The following IGSF5 variants were observed in gnomAD, a reference collection of about 807,000 sequenced individuals.
IGSF5 encodes the protein immunoglobulin superfamily 5 like.
In IGSF5, 41 loss-of-function variants were observed where a neutral mutation model predicts 39.4. That is an observed-to-expected ratio of 1.04 (90% CI 0.81 to 1.35). The LOEUF is 1.35. Ranked by LOEUF, IGSF5 falls within the 40% of genes most tolerant of loss-of-function variation. The pLI, the probability that IGSF5 is intolerant of heterozygous loss-of-function variation, is 0.00. For synonymous variants in IGSF5, 183 were observed against 175.3 expected, an observed-to-expected ratio of 1.04 and a Z score of -0.34; for missense variants, 487 against 494.6, an observed-to-expected ratio of 0.98 and a Z score of 0.15.
At chr21:39,737,769 G>A in the IGSF5 span, among the ~76,000 whole-genome samples, 1 of 152,128 alleles carries the variant, frequency 6.6e-6, no homozygotes, top group Admixed American at 6.5e-5. Context: ...AATGAGACTG[G>A]GCAAAAAGGG....
the IGSF5 span, among the ~76,000 whole-genome samples, chr21:39,728,748 A>T: frequency 3.5e-4 from 53 of 152,316 alleles, no homozygotes; most frequent in Admixed American, 7.2e-4. Flanking sequence ...ATGAGACTTT[A>T]GTTTTTGAAT....
chr21:39,726,046 T>A, the IGSF5 span: 6 of 152,312 alleles, frequency 3.9e-5, no homozygotes, highest in East Asian at 1.2e-3. Flanking sequence ...TGTCTGCCCA[T>A]CTGAATAACA....
intron 2 of IGSF5, among the ~76,000 whole-genome samples, chr21:39,761,772 A>G (rs2080062779): frequency 6.6e-6 from 1 of 152,172 alleles, no homozygotes; most frequent in South Asian, 2.1e-4. Flanking sequence ...GGCCTTAAGC[A>G]ATCCTCCTGT....
At chr21:39,738,680 TA>T in the IGSF5 span, among the ~76,000 whole-genome samples, 1 of 151,990 alleles carries the variant, frequency 6.6e-6, no homozygotes, top group Non-Finnish European at 1.5e-5. The surrounding 1 kb of genome is among the most constrained non-coding windows in gnomAD (Gnocchi z 6.4). Context: ...TTTGGGCTTC[TA>T]GGGGTGGACA....
upstream of IGSF5, among the ~76,000 whole-genome samples, chr21:39,742,322 G>A (rs972499860): frequency 2.6e-5 from 4 of 152,226 alleles, no homozygotes; most frequent in Admixed American, 2.6e-4. Context: ...GCTGGAAGAA[G>A]TATCTAGTGA....
chr21:39,731,814 C>T, the IGSF5 span, among the ~76,000 whole-genome samples: 1 of 152,164 alleles, frequency 6.6e-6, no homozygotes, highest in South Asian at 2.1e-4. Flanking sequence ...CAAACCTTCC[C>T]AGGCTTTTAT....
intron 4 of IGSF5, among the ~76,000 whole-genome samples, chr21:39,778,876 A>T (rs962377603): frequency 1.3e-5 from 2 of 152,194 alleles, no homozygotes; most frequent in Non-Finnish European, 2.9e-5. Context: ...GTTACTAAGA[A>T]GTTGTTTACT....
chr21:39,760,581 T>C (rs1302638836), intron 2 of IGSF5, among the ~76,000 whole-genome samples: 1 of 150,436 alleles, frequency 6.6e-6, no homozygotes, highest in Non-Finnish European at 1.5e-5. Context: ...GTCAGGTCTT[T>C]TTTTTTTTTA....
intron 8 of IGSF5, among the ~76,000 whole-genome samples, chr21:39,797,569 T>C (rs461238): frequency 0.31 from 47,083 of 152,000 alleles, 8,346 homozygotes; most frequent in Non-Finnish European, 0.42. Context: ...CAGGCTGGAT[T>C]GCAGTGGCAC....
intron 8 of IGSF5, among the ~76,000 whole-genome samples, chr21:39,798,034 A>G (rs2087007445): frequency 6.6e-6 from 1 of 152,164 alleles, no homozygotes; most frequent in African/African-American, 2.4e-5. Context: ...GGACGGGGAA[A>G]TTTGATGTGC....
intron 4 of IGSF5, among the ~76,000 whole-genome samples, chr21:39,778,452 C>T (rs2080152022): frequency 6.6e-6 from 1 of 152,074 alleles, no homozygotes; most frequent in Non-Finnish European, 1.5e-5. Flanking sequence ...TTTTTCCTCC[C>T]ACCTCCATGA....
chr21:39,762,271 C>T (rs891212559), intron 2 of IGSF5, among the ~76,000 whole-genome samples: 2 of 152,080 alleles, frequency 1.3e-5, no homozygotes, highest in African/African-American at 2.4e-5. Flanking sequence ...CTCAGGAGAT[C>T]CTGAGGACAG....
the IGSF5 span, among the ~76,000 whole-genome samples, chr21:39,719,113 T>C: frequency 5.9e-5 from 9 of 152,194 alleles, no homozygotes; most frequent in Non-Finnish European, 1.3e-4. Flanking sequence ...CCATCTCTTC[T>C]AGGTTTTCTA....
intron 2 of IGSF5, among the ~76,000 whole-genome samples, chr21:39,749,415 G>GCA (rs2079993820): frequency 1.3e-5 from 2 of 151,734 alleles, no homozygotes; most frequent in Non-Finnish European, 2.9e-5. Flanking sequence ...ATTTCGCCAT[G>GCA]TTGGCCAGGC....
In IGSF5 at chr21:39,792,100, G is replaced by C. The variant is rs1322196895; in HGVS notation, c.1048+1G>C. 1.2e-6 allele frequency: 2 copies of C among 1,600,628 alleles called. No homozygotes were observed. Among genetic ancestry groups the C allele is most frequent in the Non-Finnish European group, 1.7e-6 (2 of 1,170,606 alleles). On this transcript the variant is annotated splice_donor_variant, in intron 7 of 8. Coordinates refer to ENST00000380588, the MANE Select transcript of IGSF5 (RefSeq NM_001080444.2). LOFTEE classifies it high-confidence loss of function. ...AATTCAGATGAACAAAAGACCACAG[G>C]TGAGTAGACAAGAGGGGTGGTGAAA...
At chr21:39,746,433 C>A in intron 2 of IGSF5, 135 bp downstream of exon 2, 1 of 559,324 alleles carries the variant, frequency 1.8e-6, no homozygotes, top group Non-Finnish European at 3.2e-6. Context: ...TGCTCCCATC[C>A]CTCTTTTTCT....
chr21:39,748,225 C>T (rs559993290), intron 2 of IGSF5, among the ~76,000 whole-genome samples: 192 of 147,432 alleles, frequency 1.3e-3, no homozygotes, highest in Non-Finnish European at 2.4e-3. Flanking sequence ...CTCTTCCTGG[C>T]TTGCAGGTGG....
At chr21:39,760,060 T>C (rs1478611911) in intron 2 of IGSF5, among the ~76,000 whole-genome samples, 1 of 152,184 alleles carries the variant, frequency 6.6e-6, no homozygotes, top group African/African-American at 2.4e-5. Flanking sequence ...ATGCTTCATG[T>C]TGGAAAGTCT....
the IGSF5 span, among the ~76,000 whole-genome samples, chr21:39,712,763 A>T: frequency 2.0e-5 from 3 of 152,192 alleles, no homozygotes; most frequent in South Asian, 6.2e-4. Flanking sequence ...TTCCACGGTG[A>T]ATGCTGTCTT....
Sources: allele counts gnomAD v4.1 joint callset (sites outside exome capture counted in the v4.1 genomes callset), GRCh38; gene constraint gnomAD v4.1.1; non-coding constraint Gnocchi (gnomAD v3.1); transcripts MANE v1.5; gene names NCBI Gene and HGNC (gene_info 2026-07-23, HGNC 2026-07-21).